Variants in THAP6 observed in about 807,000 individuals in gnomAD.
THAP6 encodes THAP domain containing 6.
In THAP6, 13 loss-of-function variants were observed where a neutral mutation model predicts 20.0. That is an observed-to-expected ratio of 0.65 (90% CI 0.42 to 1.03). The LOEUF (loss-of-function observed/expected upper bound fraction) is 1.03, where lower values mean the gene tolerates loss of function less well. Among genes scored for constraint, THAP6 ranks in the 50% least tolerant of loss-of-function variants. The probability of loss-of-function intolerance (pLI) is 0.00; values close to 1 mark genes in which losing one functional copy is unlikely to be tolerated. For missense variants in THAP6, 262 were observed against 261.6 expected (o/e 1.00, Z -0.01); for synonymous variants, 93 against 92.2 (o/e 1.01, Z -0.05).
At chr4:75,516,073 G>A (rs1242162986) in intron 2 of THAP6, among the ~76,000 whole-genome samples, 1 of 152,174 alleles carries the variant, frequency 6.6e-6, no homozygotes, top group Non-Finnish European at 1.5e-5. Flanking sequence ...ACTTGTTAAA[G>A]GTTTATTTTG....
rs1378642797 is a variant in THAP6, at chr4:75,528,718, CT to C, written c.*1509del. 2.3e-6 allele frequency: 2 copies of C among 888,622 alleles called. No homozygotes were observed. Among genetic ancestry groups the C allele is most frequent in the Non-Finnish European group, 1.3e-6 (1 of 745,900 alleles). 55.0% of individuals were successfully genotyped at this position (888,622 alleles called of 1,614,324 possible). On this transcript the variant is annotated 3_prime_UTR_variant, in exon 5 of 5. Transcript: ENST00000311638. ...TAAGAGGAAATCACTGAGGCCATATCTTTTTACAATCTGAAAAAAAAGTAGT... is the reference window on the plus strand; with the variant it reads ...TAAGAGGAAATCACTGAGGCCATATCTTTTACAATCTGAAAAAAAAGTAGT...
At chr4:75,517,952 C>G (rs1725766476) in intron 3 of THAP6, among the ~76,000 whole-genome samples, 2 of 152,178 alleles carry the variant, frequency 1.3e-5, no homozygotes, top group Non-Finnish European at 2.9e-5. Flanking sequence ...TGAAAGGGAT[C>G]TCCTTCCTGG....
rs191801392 is a variant in THAP6, at chr4:75,537,167, G to A, written c.166-5242G>A. Among the ~76,000 whole-genome samples the A allele has an allele frequency of 7.3e-3, 1,104 of 152,244 alleles. 37 individuals are homozygous for A. The highest frequency in any genetic ancestry group is 0.053 in the Admixed American group (809 of 15,290). ...AAAACAGTCCTGCAGGGAGAAGAAC[G>A]TGGTCTCAGAAGTCTAGGGGGGGCA... On this transcript the variant is annotated intron_variant, in intron 2 of 4. Coordinates refer to the THAP6 transcript ENST00000502620.
At chr4:75,536,531 TTTAG>T (rs1726860304) in intron 2 of THAP6, among the ~76,000 whole-genome samples, 1 of 152,170 alleles carries the variant, frequency 6.6e-6, no homozygotes, top group Non-Finnish European at 1.5e-5. Context: ...ATTTATTTTA[TTTAG>T]TTAGTTATTG....
At chr4:75,545,036 C>T (rs1393473384) in intron 3 of THAP6, among the ~76,000 whole-genome samples, 1 of 152,208 alleles carries the variant, frequency 6.6e-6, no homozygotes, top group East Asian at 1.9e-4. Flanking sequence ...TCGGTTTTCT[C>T]ATCTCTAAAA....
chr4:75,515,490 G>A lies in THAP6; in HGVS notation c.38G>A (p.Arg13His), dbSNP rs779910070. 10 of 1,613,780 alleles carry A rather than the reference G, an allele frequency of 6.2e-6. No homozygotes were observed. The highest frequency in any genetic ancestry group is 1.6e-4 in the Middle Eastern group (1 of 6,084). Reference sequence around the variant, plus strand: ...TGCTCCGCCATTGGATGTGCTTCTCGCTGCTTGCCAAATTCGAAGTTAAAA... The same window carrying A: ...TGCTCCGCCATTGGATGTGCTTCTCACTGCTTGCCAAATTCGAAGTTAAAA... ...KCCSAIGCAS[R>H]CLPNSKLKGL... The change falls in exon 2 of 5, where the codon CGC becomes CAC. Residue 13 changes from arginine (R) to histidine (H), a missense_variant. Arg to His is a conservative substitution (Grantham distance 29). Transcript: ENST00000311638.
At chr4:75,540,811 C>A (rs1283164291) in intron 2 of THAP6, among the ~76,000 whole-genome samples, 1 of 152,072 alleles carries the variant, frequency 6.6e-6, no homozygotes, top group Non-Finnish European at 1.5e-5. Context: ...AAAATGTTGC[C>A]AGGCTACACA....
intron 3 of THAP6, chr4:75,542,656 A>G (rs1727036844): frequency 3.8e-6 from 2 of 523,632 alleles, no homozygotes; most frequent in Non-Finnish European, 6.8e-6. Context: ...CGATGTCTTC[A>G]TATCATTATA....
At chr4:75,539,825 T>C in intron 2 of THAP6, 2 of 1,535,882 alleles carry the variant, frequency 1.3e-6, no homozygotes, top group Non-Finnish European at 1.7e-6. Flanking sequence ...CACATACTGT[T>C]TTTCTTTCTT....
At chr4:75,521,115 G>T in intron 3 of THAP6, among the ~76,000 whole-genome samples, 1 of 145,592 alleles carries the variant, frequency 6.9e-6, no homozygotes. Context: ...TTCAGTTCTA[G>T]TTACGGCATG....
Position 75,528,905 on chromosome 4 carries a change from T to A in THAP6, c.*1691T>A, listed in dbSNP as rs1450658122. 6.2e-5 allele frequency: 34 copies of A among 552,396 alleles called. No homozygotes were observed. Among genetic ancestry groups the A allele is most frequent in the Non-Finnish European group, 7.6e-5 (33 of 434,940 alleles). The allele number at this position is 552,396 out of a possible 1,614,324, so 34.2% of individuals were successfully genotyped here. A position where few individuals can be genotyped will look rare whatever the true frequency, so the allele number is the denominator to read the frequency against. On this transcript the variant is annotated 3_prime_UTR_variant, in exon 5 of 5. Coordinates refer to ENST00000311638, the MANE Select transcript of THAP6 (RefSeq NM_144721.6). ...CTCTGCTAAAAATACAAAAAAAAAT[T>A]AGCCGGGCATGGTGGCACGTGCCTG...
At chr4:75,541,681 G>A (rs145437085) in intron 2 of THAP6, among the ~76,000 whole-genome samples, 56 of 152,256 alleles carry the variant, frequency 3.7e-4, no homozygotes, top group African/African-American at 1.2e-3. Context: ...AACCAGCCGG[G>A]CACAGTGGCT....
chr4:75,518,554 T>G (rs1725808867), intron 3 of THAP6, among the ~76,000 whole-genome samples: 1 of 152,202 alleles, frequency 6.6e-6, no homozygotes, highest in Admixed American at 6.5e-5. Context: ...ACTATTATTA[T>G]TTTCATTTTA....
intron 3 of THAP6, among the ~76,000 whole-genome samples, chr4:75,521,320 G>A (rs1157095533): frequency 6.6e-6 from 1 of 151,786 alleles, no homozygotes; most frequent in Non-Finnish European, 1.5e-5. Context: ...ATGTATAAAG[G>A]ATACAACTGC....
intron 3 of THAP6, among the ~76,000 whole-genome samples, chr4:75,521,432 C>G (rs1399687200): frequency 6.6e-6 from 1 of 151,896 alleles, no homozygotes. Flanking sequence ...TGATCTATTT[C>G]TAGGTTTTTC....
At chr4:75,520,088 A>G (rs1165703599) in intron 3 of THAP6, among the ~76,000 whole-genome samples, 1 of 152,074 alleles carries the variant, frequency 6.6e-6, no homozygotes, top group Non-Finnish European at 1.5e-5. Context: ...AGTGATGGTG[A>G]GCATTTTTTC....
chr4:75,514,235 G>C (rs753567152), upstream of THAP6: 3 of 1,612,806 alleles, frequency 1.9e-6, no homozygotes, highest in Admixed American at 3.3e-5. Context: ...TCGCAGCCCC[G>C]CTGACCTCGC....
At chr4:75,515,408 T>A (rs776032936) in intron 1 of THAP6, 25 bp from the exon 2 acceptor site, 2 of 1,599,896 alleles carry the variant, frequency 1.3e-6, no homozygotes, top group Non-Finnish European at 1.7e-6. Flanking sequence ...GGTTACTAAC[T>A]CTTAACATTC....
At chr4:75,517,915 T>C (rs1725764981) in intron 3 of THAP6, among the ~76,000 whole-genome samples, 1 of 152,204 alleles carries the variant, frequency 6.6e-6, no homozygotes, top group African/African-American at 2.4e-5. Flanking sequence ...TTGATTCCAA[T>C]GTGGAAAATT....
Sources: allele counts gnomAD v4.1 joint callset (sites outside exome capture counted in the v4.1 genomes callset), GRCh38; gene constraint gnomAD v4.1.1; transcripts MANE v1.5; gene names NCBI Gene and HGNC (gene_info 2026-07-23, HGNC 2026-07-21).